The following LCMT1 variants were observed in gnomAD, a reference collection of about 807,000 sequenced individuals.
The protein encoded by LCMT1 is [Phosphatase 2A protein]-leucine-carboxy methyltransferase 1.
LCMT1 carries 32 observed loss-of-function variants against 47.7 expected under a neutral mutation model. The ratio of observed to expected loss-of-function variants is 0.67; its 90% CI spans 0.51 to 0.90. The LOEUF is 0.90. LCMT1 is among the 40% of genes least tolerant of loss of function. LCMT1 has a pLI of 0.00. For missense variants in LCMT1, 375 were observed against 415.2 expected, an observed-to-expected ratio of 0.90 and a Z score of 0.84; for synonymous variants, 152 against 149.7, an observed-to-expected ratio of 1.02 and a Z score of -0.11.
At chr16:25,114,735 G>C (rs930701713) in intron 1 of LCMT1, among the ~76,000 whole-genome samples, 3 of 152,090 alleles carry the variant, frequency 2.0e-5, no homozygotes, top group Non-Finnish European at 4.4e-5. Context: ...GGGATATCCT[G>C]TTCTTGAAGC....
intron 3 of LCMT1, 36 bp downstream of exon 3, chr16:25,132,559 T>G (rs79054260): frequency 1.2e-6 from 2 of 1,600,360 alleles, no homozygotes; most frequent in South Asian, 2.2e-5. Flanking sequence ...CCCCAAGTGT[T>G]TAGATTTTTT....
At position 25,169,179 on chromosome 16, in the gene LCMT1, C is replaced by T. The variant is rs762264288; in HGVS notation, c.758C>T (p.Ala253Val). The change falls in exon 8 of 11, where the codon GCG (alanine) becomes GTG (valine). Residue 253 changes from alanine (A) to valine (V), a missense_variant. Ala to Val is a moderately conservative substitution (Grantham distance 64). Transcript: ENST00000399069. ...ENLRRRQCDL[A>V]GVETCKSLES... ...CTGCGGAGACGCCAGTGTGACCTGG[C>T]GGGAGTGGAGACCTGCAAGTCATTA... 34 of 1,613,030 alleles carry T rather than the reference C, an allele frequency of 2.1e-5. No individual in the cohort carries two copies. The highest frequency in any genetic ancestry group is 2.7e-5 in the Non-Finnish European group (32 of 1,179,420).
intron 1 of LCMT1, among the ~76,000 whole-genome samples, chr16:25,115,357 G>C (rs2141620713): frequency 6.6e-6 from 1 of 152,158 alleles, no homozygotes; most frequent in Middle Eastern, 3.4e-3. Context: ...GGTCTTAGTA[G>C]ACCCAAAATG....
At chr16:25,124,350 AGT>A (rs1960093078) in intron 1 of LCMT1, among the ~76,000 whole-genome samples, 1 of 152,206 alleles carries the variant, frequency 6.6e-6, no homozygotes, top group South Asian at 2.1e-4. Context: ...GGAAAAAACA[AGT>A]GTGTATGGGG....
Position 25,175,401 on chromosome 16 carries a change from A to G in LCMT1, c.982+367A>G, listed in dbSNP as rs979445792. ...CACTTTGGGAGGCTGAGGTGGGCAGATCACTTGAGGTCAGGAGTTTGAGAC... is the reference window on the plus strand; with the variant it reads ...CACTTTGGGAGGCTGAGGTGGGCAGGTCACTTGAGGTCAGGAGTTTGAGAC... On this transcript the variant is annotated intron_variant, in intron 10 of 10. Transcript: ENST00000399069. 4.6e-5 allele frequency among the ~76,000 whole-genome samples: 7 copies of G among 151,806 alleles called. No homozygotes were observed. In the South Asian group the frequency reaches 1.3e-3, roughly 27 times the overall value.
chr16:25,118,678 T>G (rs1959875009), intron 1 of LCMT1, among the ~76,000 whole-genome samples: 1 of 152,024 alleles, frequency 6.6e-6, no homozygotes, highest in African/African-American at 2.4e-5. Context: ...AGGAAAGGCT[T>G]GCAGGGGGCA....
intron 7 of LCMT1, 128 bp downstream of exon 7, chr16:25,164,846 A>G: frequency 2.4e-6 from 3 of 1,247,286 alleles, no homozygotes; most frequent in South Asian, 1.3e-5. Context: ...TATCTCCTTT[A>G]TTCACCAACC....
rs1227496924 is a variant in LCMT1, at chr16:25,111,849, C to G, written c.-35C>G. 3 of 1,466,940 alleles carry G rather than the reference C, an allele frequency of 2.0e-6. No homozygotes were observed. In the African/African-American group the frequency reaches 4.2e-5, roughly 20 times the overall value. 90.9% of individuals were successfully genotyped at this position (1,466,940 alleles called of 1,614,324 possible). On this transcript the variant is annotated 5_prime_UTR_variant, in exon 1 of 11. Coordinates refer to ENST00000399069, the MANE Select transcript of LCMT1 (RefSeq NM_016309.3). Reference sequence around the variant, plus strand: ...CGCCCGTCGACCCCGCTTCCATGTCCCTGGCGGACACAGCTCCCAGGAACC... The same window carrying G: ...CGCCCGTCGACCCCGCTTCCATGTCGCTGGCGGACACAGCTCCCAGGAACC...
At chr16:25,158,717 T>A (rs1961334230) in intron 5 of LCMT1, 1 of 152,206 alleles carries the variant, frequency 6.6e-6, no homozygotes. Flanking sequence ...CACAAATACA[T>A]TCAGTTCCCT....
At chr16:25,137,949 G>A (rs930454562) in intron 3 of LCMT1, among the ~76,000 whole-genome samples, 3 of 151,904 alleles carry the variant, frequency 2.0e-5, no homozygotes, top group Admixed American at 6.6e-5. Flanking sequence ...TCACCCCCCC[G>A]GGATTCATCT....
intron 8 of LCMT1, chr16:25,169,605 C>T (rs1199274742): frequency 5.6e-6 from 1 of 177,004 alleles, no homozygotes; most frequent in African/African-American, 2.3e-5. Flanking sequence ...CACATGATTT[C>T]ACCCCTAAAT....
At chr16:25,113,973 AC>A (rs1959710376) in intron 1 of LCMT1, among the ~76,000 whole-genome samples, 1 of 152,322 alleles carries the variant, frequency 6.6e-6, no homozygotes, top group African/African-American at 2.4e-5. Context: ...AATAAAGGTA[AC>A]CTTTATGGGT....
In LCMT1 at chr16:25,132,428, A is replaced by T. The variant is rs753531839; in HGVS notation, c.232A>T (p.Ser78Cys). 6.2e-7 allele frequency: 1 copy of T among 1,613,806 alleles called. No homozygotes were observed. Among genetic ancestry groups the T allele is most frequent in the Non-Finnish European group, 8.5e-7 (1 of 1,179,840 alleles). ...ATATTTTGCTCGAGTCCATGGTGTC[A>T]GTCAGCTTATAAAGGCATTTCTACG... ...RGYFARVHGV[S>C]QLIKAFLRKT... The change falls in exon 3 of 11, where the codon AGT becomes TGT. Residue 78 changes from serine (S) to cysteine (C), a missense_variant. By Grantham distance (112) the Ser-to-Cys change is moderately radical (BLOSUM62 -1). Coordinates refer to ENST00000399069, the MANE Select transcript of LCMT1 (RefSeq NM_016309.3).
intron 4 of LCMT1, chr16:25,141,282 C>A (rs967357268): frequency 1.3e-5 from 2 of 152,140 alleles, no homozygotes; most frequent in African/African-American, 4.8e-5. Flanking sequence ...CTGATGGAGC[C>A]CCAGATGGTT....
At chr16:25,145,112 G>A (rs1487870851) in intron 4 of LCMT1, 2 of 152,198 alleles carry the variant, frequency 1.3e-5, no homozygotes. Flanking sequence ...CTTTTTGTTT[G>A]TGGGACCAGC....
At chr16:25,172,175 C>T (rs1041868084) in intron 9 of LCMT1, among the ~76,000 whole-genome samples, 5 of 151,866 alleles carry the variant, frequency 3.3e-5, no homozygotes, top group African/African-American at 9.7e-5. Context: ...GGCATGGTGG[C>T]GGGCGCCTGT....
At chr16:25,135,568 A>G (rs1960480634) in intron 3 of LCMT1, among the ~76,000 whole-genome samples, 1 of 152,122 alleles carries the variant, frequency 6.6e-6, no homozygotes, top group African/African-American at 2.4e-5. Context: ...TTTTAGAGGT[A>G]TGTGTGTGTC....
At chr16:25,150,095 A>G (rs1961027184) in intron 4 of LCMT1, among the ~76,000 whole-genome samples, 1 of 152,038 alleles carries the variant, frequency 6.6e-6, no homozygotes, top group Non-Finnish European at 1.5e-5. Context: ...AGGTTTGCTA[A>G]TGTGTGCTGA....
chr16:25,135,501 G>C (rs1042131050), intron 3 of LCMT1, among the ~76,000 whole-genome samples: 1 of 152,156 alleles, frequency 6.6e-6, no homozygotes, highest in African/African-American at 2.4e-5. Context: ...CATCTGGCCT[G>C]CAAAGGCTAA....
Sources: allele counts gnomAD v4.1 joint callset (sites outside exome capture counted in the v4.1 genomes callset), GRCh38; gene constraint gnomAD v4.1.1; transcripts MANE v1.5; gene names NCBI Gene and HGNC (gene_info 2026-07-23, HGNC 2026-07-21).